TACR1: variants seen among roughly 807,000 people sequenced by gnomAD.
TACR1 encodes the protein substance-P receptor.
A neutral mutation model predicts 35.8 loss-of-function variants in TACR1; 25 were observed. The ratio of observed to expected loss-of-function variants is 0.70; its 90% CI spans 0.51 to 0.98. The LOEUF is 0.98. TACR1 is among the 50% of genes least tolerant of loss of function. TACR1 has a pLI of 0.00. For synonymous variants in TACR1, 195 were observed against 206.7 expected (o/e 0.94, Z 0.48); for missense variants, 478 against 522.9 (o/e 0.91, Z 0.84).
intron 1 of TACR1, among the ~76,000 whole-genome samples, chr2:75,151,063 A>C (rs1674659115): frequency 6.6e-6 from 1 of 152,242 alleles, no homozygotes. Flanking sequence ...CAAAGTAATC[A>C]AGAGGTGACT....
intron 4 of TACR1, among the ~76,000 whole-genome samples, chr2:75,050,759 C>T (rs560691806): frequency 1.3e-5 from 2 of 152,282 alleles, no homozygotes; most frequent in Non-Finnish European, 2.9e-5. Flanking sequence ...TAAAGCTGCT[C>T]AGATCGTAAG....
chr2:75,054,116 C>G (rs969689402), intron 2 of TACR1, among the ~76,000 whole-genome samples: 1 of 152,166 alleles, frequency 6.6e-6, no homozygotes, highest in Middle Eastern at 3.2e-3. Flanking sequence ...ACACCACCCC[C>G]CAAAACAAGA....
chr2:75,161,819 T>G (rs1417917877), intron 1 of TACR1, among the ~76,000 whole-genome samples: 1 of 151,970 alleles, frequency 6.6e-6, no homozygotes, highest in African/African-American at 2.4e-5. Flanking sequence ...AAACTATTAC[T>G]CAGGAAAAGT....
chr2:75,154,526 A>G (rs192575222), intron 1 of TACR1: 4 of 117,144 alleles, frequency 3.4e-5, no homozygotes, highest in Admixed American at 1.6e-4. Context: ...ACACACACAC[A>G]CTCTCTGAAG....
At chr2:75,132,785 T>C (rs1189784645) in intron 1 of TACR1, among the ~76,000 whole-genome samples, 1 of 152,256 alleles carries the variant, frequency 6.6e-6, no homozygotes, top group Non-Finnish European at 1.5e-5. Flanking sequence ...CTGGGACCAC[T>C]GCAAACTGGA....
chr2:75,156,996 G>T (rs1674875657), intron 1 of TACR1, among the ~76,000 whole-genome samples: 2 of 152,176 alleles, frequency 1.3e-5, no homozygotes, highest in Admixed American at 1.3e-4. Flanking sequence ...ATGGAGATGG[G>T]AGTCGGGGCT....
chr2:75,115,362 G>A (rs1296114214), intron 2 of TACR1, among the ~76,000 whole-genome samples: 1 of 152,158 alleles, frequency 6.6e-6, no homozygotes, highest in Non-Finnish European at 1.5e-5. Context: ...AGGTTGTGGA[G>A]AAACAGGAAC....
intron 2 of TACR1, among the ~76,000 whole-genome samples, chr2:75,114,674 C>T (rs1160015753): frequency 1.3e-5 from 2 of 152,220 alleles, no homozygotes; most frequent in Non-Finnish European, 2.9e-5. Context: ...TCTGTGCTTT[C>T]TTCTTCAATG....
chr2:75,098,885 G>A (rs1020707344), intron 2 of TACR1, among the ~76,000 whole-genome samples: 3 of 150,140 alleles, frequency 2.0e-5, no homozygotes, highest in African/African-American at 7.3e-5. Flanking sequence ...GAGAATATGT[G>A]TTCTTTGTAG....
chr2:75,186,929 AGAAAG>A (rs1183994319), intron 1 of TACR1: 7 of 152,268 alleles, frequency 4.6e-5, no homozygotes, highest in Non-Finnish European at 8.8e-5. Context: ...AGAGAAAAAA[AGAAAG>A]GAAAGATGCA....
chr2:75,113,556 T>A (rs1419549781), intron 2 of TACR1, among the ~76,000 whole-genome samples: 2 of 144,520 alleles, frequency 1.4e-5, no homozygotes, highest in African/African-American at 5.1e-5. Flanking sequence ...TTTTTTTTTT[T>A]ACTTTGTTCA....
chr2:75,074,933 A>G (rs1334858268), intron 2 of TACR1, among the ~76,000 whole-genome samples: 1 of 152,114 alleles, frequency 6.6e-6, no homozygotes, highest in Non-Finnish European at 1.5e-5. Context: ...ATCTAGGGAA[A>G]CCCCTCAGTT....
At chr2:75,151,570 C>T (rs1558570751) in intron 1 of TACR1, among the ~76,000 whole-genome samples, 1 of 152,216 alleles carries the variant, frequency 6.6e-6, no homozygotes, top group Non-Finnish European at 1.5e-5. Context: ...TATGGAAGTA[C>T]CTGGATGCCC....
intron 1 of TACR1, among the ~76,000 whole-genome samples, chr2:75,162,681 T>A (rs1558576405): frequency 6.6e-6 from 1 of 152,214 alleles, no homozygotes. Context: ...TATGATGATA[T>A]TTTTAGCAAT....
At chr2:75,107,956 A>G (rs942834791) in intron 2 of TACR1, among the ~76,000 whole-genome samples, 29 of 114,662 alleles carry the variant, frequency 2.5e-4, no homozygotes, top group African/African-American at 7.1e-4. Flanking sequence ...AAGATGATGT[A>G]TAATTGTATG....
At chr2:75,078,614 C>T (rs930052970) in intron 2 of TACR1, among the ~76,000 whole-genome samples, 1 of 152,136 alleles carries the variant, frequency 6.6e-6, no homozygotes, top group African/African-American at 2.4e-5. Context: ...CCTGAACCTA[C>T]TCCAGTCACA....
intron 2 of TACR1, among the ~76,000 whole-genome samples, chr2:75,099,730 C>T (rs1239782825): frequency 6.6e-6 from 1 of 152,142 alleles, no homozygotes; most frequent in Non-Finnish European, 1.5e-5. Context: ...CCCTGCTGGC[C>T]ACTGGCTCAC....
Position 75,046,784 on chromosome 2 carries a change from G to T in TACR1, c.*2648C>A. On this transcript the variant is annotated 3_prime_UTR_variant, in exon 5 of 5. Transcript: ENST00000305249. ...GGGCTCCTCCCTGAGAAAGCATGAG[G>T]AGGAAGAGGAGGAAGAGATTCACAC... 1 of 152,368 alleles carries T rather than the reference G, an allele frequency of 6.6e-6. No homozygotes were observed. The allele number at this position is 152,368 out of a possible 1,614,324, so 9.4% of individuals were successfully genotyped here.
At chr2:75,186,371 C>CAAAAAAAAA (rs373147504) in intron 1 of TACR1, among the ~76,000 whole-genome samples, 14 of 81,744 alleles carry the variant, frequency 1.7e-4, no homozygotes, top group Admixed American at 4.6e-4. Flanking sequence ...GACTCTGTCT[C>CAAAAAAAAA]AAAAAAAAAA....
Sources: allele counts gnomAD v4.1 joint callset (sites outside exome capture counted in the v4.1 genomes callset), GRCh38; gene constraint gnomAD v4.1.1; transcripts MANE v1.5; gene names NCBI Gene and HGNC (gene_info 2026-07-23, HGNC 2026-07-21).